The following BRD10 variants were observed in gnomAD, a reference collection of about 807,000 sequenced individuals.
BRD10 encodes uncharacterized bromodomain-containing protein 10.
chr9:5,896,993 G>C, the BRD10 span, among the ~76,000 whole-genome samples: 1 of 152,176 alleles, frequency 6.6e-6, no homozygotes, highest in Non-Finnish European at 1.5e-5. Context: ...CCTCTGTTTT[G>C]TGCTAGCTCT....
chr9:5,921,307 T>C, the BRD10 span: 2 of 1,613,838 alleles, frequency 1.2e-6, no homozygotes, highest in Non-Finnish European at 1.7e-6. Flanking sequence ...CAGCTGGTGA[T>C]GAATTTATTT....
At chr9:5,992,468 C>T in the BRD10 span, among the ~76,000 whole-genome samples, 1 of 152,060 alleles carries the variant, frequency 6.6e-6, no homozygotes, top group African/African-American at 2.4e-5. Flanking sequence ...ATAAATTTAC[C>T]TTTCAAATAG....
At chr9:5,922,364 G>C in the BRD10 span, 6 of 1,613,914 alleles carry the variant, frequency 3.7e-6, no homozygotes, top group South Asian at 6.6e-5. Flanking sequence ...TGCATTCTTG[G>C]CTTTTCCTGC....
At chr9:5,921,969 A>T in the BRD10 span, 2 of 1,613,968 alleles carry the variant, frequency 1.2e-6, no homozygotes, top group Non-Finnish European at 1.7e-6. Flanking sequence ...GAAAGACTAG[A>T]TGTAGTAGTT....
chr9:5,909,962 C>T, the BRD10 span: 4 of 152,180 alleles, frequency 2.6e-5, no homozygotes, highest in African/African-American at 9.7e-5. Context: ...ATTCCTATTG[C>T]CATCCTGAGT....
At chr9:5,975,483 A>T in the BRD10 span, among the ~76,000 whole-genome samples, 1 of 148,774 alleles carries the variant, frequency 6.7e-6, no homozygotes, top group Non-Finnish European at 1.5e-5. Context: ...CAATAAGGTC[A>T]TTAAAGTAGT....
chr9:5,987,263 G>A, the BRD10 span, among the ~76,000 whole-genome samples: 4 of 151,920 alleles, frequency 2.6e-5, no homozygotes, highest in African/African-American at 4.8e-5. Context: ...CTATACCAAG[G>A]AAGATACTAA....
the BRD10 span, among the ~76,000 whole-genome samples, chr9:5,893,691 C>G: frequency 6.6e-6 from 1 of 152,144 alleles, no homozygotes; most frequent in Non-Finnish European, 1.5e-5. Context: ...TTAAAATATA[C>G]TTTTATGTCT....
the BRD10 span, among the ~76,000 whole-genome samples, chr9:5,986,598 C>T: frequency 6.6e-6 from 1 of 152,192 alleles, no homozygotes; most frequent in Non-Finnish European, 1.5e-5. Context: ...TAAAAGCCTT[C>T]CTACTTCTCC....
chr9:5,933,780 T>C, the BRD10 span: 1 of 471,124 alleles, frequency 2.1e-6, no homozygotes, highest in African/African-American at 2.0e-5. Flanking sequence ...TGCATTCTGC[T>C]ACAGTAATCT....
At chr9:5,919,488 T>C in the BRD10 span, 4 of 537,512 alleles carry the variant, frequency 7.4e-6, no homozygotes, top group Non-Finnish European at 1.3e-5. Flanking sequence ...GGAACAGATC[T>C]TTCCCTCCCC....
the BRD10 span, among the ~76,000 whole-genome samples, chr9:5,938,309 G>C: frequency 5.3e-5 from 8 of 152,158 alleles, no homozygotes; most frequent in South Asian, 1.7e-3. Flanking sequence ...AGGTGTGGTG[G>C]TTTGAGCCTT....
the BRD10 span, among the ~76,000 whole-genome samples, chr9:5,974,429 C>G: frequency 1.3e-5 from 2 of 151,968 alleles, no homozygotes; most frequent in East Asian, 3.9e-4. Flanking sequence ...CAAAAAAATC[C>G]TAATACATGA....
chr9:5,985,490 C>A, the BRD10 span, among the ~76,000 whole-genome samples: 183 of 152,258 alleles, frequency 1.2e-3, 3 homozygotes, highest in East Asian at 0.03. Flanking sequence ...ATCCAGAATA[C>A]ATAAAGAATT....
chr9:5,971,794 G>C, the BRD10 span, among the ~76,000 whole-genome samples: 1 of 151,994 alleles, frequency 6.6e-6, no homozygotes, highest in African/African-American at 2.4e-5. Flanking sequence ...TACAGAGCTA[G>C]GACTCCAAAA....
chr9:6,008,098 C>G, the BRD10 span: 1 of 984,528 alleles, frequency 1.0e-6, no homozygotes, highest in Admixed American at 6.2e-5. Context: ...CCCCGCCCGC[C>G]TGCTCTTCAC....
chr9:5,897,354 G>C, the BRD10 span, among the ~76,000 whole-genome samples: 1 of 152,228 alleles, frequency 6.6e-6, no homozygotes. Context: ...ACACACTTGA[G>C]AGGCTCCTAA....
At chr9:5,968,277 G>A in the BRD10 span, 1 of 1,612,118 alleles carries the variant, frequency 6.2e-7, no homozygotes. Flanking sequence ...TTAATTTCTG[G>A]ATGATCACTG....
chr9:5,894,085 G>A, the BRD10 span, among the ~76,000 whole-genome samples: 2 of 152,258 alleles, frequency 1.3e-5, no homozygotes, highest in African/African-American at 4.8e-5. This position sits in a 1 kb window ranked among gnomAD's most constrained non-coding sequence, Gnocchi z 4.0. Flanking sequence ...GCCAGCAGAG[G>A]CAAATATTTG....
Sources: allele counts gnomAD v4.1 joint callset (sites outside exome capture counted in the v4.1 genomes callset), GRCh38; gene constraint gnomAD v4.1.1; non-coding constraint Gnocchi (gnomAD v3.1); transcripts MANE v1.5; gene names NCBI Gene and HGNC (gene_info 2026-07-23, HGNC 2026-07-21).